Variants in CHODL observed in about 807,000 individuals in gnomAD.
CHODL encodes the protein chondrolectin.
CHODL carries 29 observed loss-of-function variants against 34.5 expected under a neutral mutation model. That is an observed-to-expected ratio of 0.84 (90% confidence interval 0.63 to 1.15). CHODL has a LOEUF of 1.15. Among genes scored for constraint, CHODL ranks in the 50% most tolerant of loss-of-function variants. CHODL has a pLI of 0.00. For missense variants in CHODL, 332 were observed against 332.5 expected (o/e 1.00, Z 0.01); for synonymous variants, 125 against 116.1 (o/e 1.08, Z -0.49).
chr21:18,193,768 C>T (rs1388439063), intron 2 of CHODL, among the ~76,000 whole-genome samples: 4 of 150,570 alleles, frequency 2.7e-5, no homozygotes, highest in Non-Finnish European at 5.9e-5. Flanking sequence ...AAAAAAAAGT[C>T]CTTTGTTTAT....
At chr21:18,217,488 C>T (rs1297983963) in intron 2 of CHODL, among the ~76,000 whole-genome samples, 1 of 151,476 alleles carries the variant, frequency 6.6e-6, no homozygotes, top group East Asian at 1.9e-4. Flanking sequence ...ATGAGGGTAA[C>T]TGCCCCCCCG....
At chr21:17,978,563 A>T (rs2068672300) in intron 1 of CHODL, among the ~76,000 whole-genome samples, 1 of 139,036 alleles carries the variant, frequency 7.2e-6, no homozygotes, top group South Asian at 2.3e-4. Context: ...CTAAAAATAC[A>T]AAAAATTAGC....
At chr21:18,220,604 A>G (rs1271323975) in intron 2 of CHODL, among the ~76,000 whole-genome samples, 2 of 151,974 alleles carry the variant, frequency 1.3e-5, no homozygotes, top group African/African-American at 4.8e-5. Context: ...CTAGTCATGA[A>G]TTCTCATAAT....
At chr21:18,232,865 A>G (rs2073992483) in intron 2 of CHODL, among the ~76,000 whole-genome samples, 2 of 149,560 alleles carry the variant, frequency 1.3e-5, no homozygotes, top group Admixed American at 1.3e-4. Context: ...GTTTTTGACA[A>G]ATTATATAGT....
chr21:17,980,940 T>G (rs961681361), intron 1 of CHODL, among the ~76,000 whole-genome samples: 1 of 152,214 alleles, frequency 6.6e-6, no homozygotes, highest in African/African-American at 2.4e-5. Flanking sequence ...GCTCCATCCC[T>G]TGTTAATACC....
chr21:17,993,996 T>C (rs2063823863), intron 1 of CHODL, among the ~76,000 whole-genome samples: 1 of 152,204 alleles, frequency 6.6e-6, no homozygotes, highest in Non-Finnish European at 1.5e-5. Context: ...GAGTCTTCTT[T>C]CTTTTTTTCT....
chr21:18,132,984 A>G (rs1345838601), intron 2 of CHODL, among the ~76,000 whole-genome samples: 1 of 152,112 alleles, frequency 6.6e-6, no homozygotes, highest in Non-Finnish European at 1.5e-5. Flanking sequence ...TTGAAAGCCT[A>G]ATGAAACTAT....
intron 2 of CHODL, among the ~76,000 whole-genome samples, chr21:18,124,247 C>G (rs1000985732): frequency 6.6e-6 from 1 of 152,118 alleles, no homozygotes; most frequent in Non-Finnish European, 1.5e-5. Context: ...TATTGTATGT[C>G]TGGTCATCCC....
intron 2 of CHODL, among the ~76,000 whole-genome samples, chr21:18,151,392 CAG>C (rs2072966826): frequency 6.6e-6 from 1 of 152,202 alleles, no homozygotes; most frequent in African/African-American, 2.4e-5. Flanking sequence ...GCTGGACACA[CAG>C]AGGTTCCTAG....
chr21:18,015,206 T>C (rs961197142), intron 1 of CHODL, among the ~76,000 whole-genome samples: 1 of 152,142 alleles, frequency 6.6e-6, no homozygotes, highest in Non-Finnish European at 1.5e-5. Flanking sequence ...GGGAGGTGAT[T>C]GGATCATGGG....
At chr21:18,236,987 C>T (rs2074034285) in intron 2 of CHODL, among the ~76,000 whole-genome samples, 1 of 152,128 alleles carries the variant, frequency 6.6e-6, no homozygotes, top group East Asian at 1.9e-4. Flanking sequence ...GGTGTGTCCA[C>T]ATAAAGAGGC....
chr21:17,932,147 G>T (rs1436065601), intron 1 of CHODL, among the ~76,000 whole-genome samples: 3 of 151,902 alleles, frequency 2.0e-5, no homozygotes, highest in Non-Finnish European at 4.4e-5. Context: ...AGTGGGTAAG[G>T]GATACAAATA....
intron 2 of CHODL, among the ~76,000 whole-genome samples, chr21:18,130,085 T>C (rs73200967): frequency 0.07 from 10,712 of 152,050 alleles, 410 homozygotes; most frequent in Middle Eastern, 0.12. Flanking sequence ...TATCTATGTC[T>C]TAATCTGTTT....
At chr21:18,003,769 G>C (rs2063933849) in intron 1 of CHODL, among the ~76,000 whole-genome samples, 1 of 152,186 alleles carries the variant, frequency 6.6e-6, no homozygotes, top group Admixed American at 6.5e-5. Flanking sequence ...GAACCCAAGA[G>C]CAGTTCTGTC....
intron 2 of CHODL, among the ~76,000 whole-genome samples, chr21:18,070,233 A>C (rs1197024586): frequency 3.3e-5 from 5 of 151,372 alleles, no homozygotes; most frequent in Non-Finnish European, 5.9e-5. Context: ...TGGAAAAAAA[A>C]CTTTTTTTAA....
chr21:18,095,125 A>G (rs981690081), intron 2 of CHODL, among the ~76,000 whole-genome samples: 5 of 54,208 alleles, frequency 9.2e-5, no homozygotes, highest in Non-Finnish European at 1.9e-4. Context: ...CTTTGTCTCA[A>G]AAAAAAAAAA....
chr21:18,094,098 A>T (rs1050195022), intron 2 of CHODL, among the ~76,000 whole-genome samples: 1 of 152,188 alleles, frequency 6.6e-6, no homozygotes, highest in African/African-American at 2.4e-5. Flanking sequence ...ACAGATTTCA[A>T]GACAAAAACT....
intron 1 of CHODL, among the ~76,000 whole-genome samples, chr21:17,945,486 A>G (rs565884829): frequency 6.6e-6 from 1 of 152,350 alleles, no homozygotes; most frequent in Admixed American, 6.5e-5. Flanking sequence ...GAAAGTTTAA[A>G]CAGCAGAATT....
upstream of CHODL, among the ~76,000 whole-genome samples, chr21:18,242,730 A>G (rs544028076): frequency 2.1e-3 from 325 of 152,334 alleles, 1 homozygote; most frequent in Non-Finnish European, 2.9e-3. Flanking sequence ...ACTTAAACTG[A>G]TATAATTCTA....
Sources: gnomAD v4.1 joint callset for allele counts (sites outside exome capture counted in the v4.1 genomes callset) on GRCh38, gnomAD v4.1.1 for gene constraint, MANE v1.5 for transcripts, NCBI Gene and HGNC (gene_info 2026-07-23, HGNC 2026-07-21) for gene names.